ABCB11: variants seen among roughly 807,000 people sequenced by gnomAD.
ABCB11 encodes the protein bile salt export pump.
A neutral mutation model predicts 148.0 loss-of-function variants in ABCB11; 95 were observed. That is an observed-to-expected ratio of 0.64 (90% confidence interval 0.54 to 0.76). The LOEUF (loss-of-function observed/expected upper bound fraction) is 0.76. Ranked by LOEUF, ABCB11 falls within the 30% of genes least tolerant of loss-of-function variation. The pLI, the probability that ABCB11 is intolerant of heterozygous loss-of-function variation, is 0.00. For missense variants in ABCB11, 1,523 were observed against 1,617.8 expected, an observed-to-expected ratio of 0.94 and a Z score of 1.01; for synonymous variants, 591 against 555.4, an observed-to-expected ratio of 1.06 and a Z score of -0.90.
At chr2:169,017,937 C>T (rs746535156) in intron 2 of ABCB11, 113 bp downstream of exon 2, 4 of 866,252 alleles carry the variant, frequency 4.6e-6, no homozygotes, top group Middle Eastern at 2.2e-4. Context: ...CACAATGATA[C>T]TTCTACCTAC....
chr2:169,029,478 C>T lies in ABCB11; in HGVS notation c.-28+1747G>A, dbSNP rs184059946. ...CAGATAAGCTCACTGTCGGTTGATG[C>T]TGTGTGTCAACACTGTGGGTGACCC... is the stretch of plus-strand genomic sequence containing the variant. On this transcript the variant is annotated intron_variant, in intron 1 of 27. Coordinates refer to ENST00000650372, the MANE Select transcript of ABCB11 (RefSeq NM_003742.4). Among the ~76,000 whole-genome samples the T allele has an allele frequency of 2.0e-3, 304 of 152,158 alleles. 4 individuals are homozygous for T. The highest frequency in any genetic ancestry group is 2.9e-3 in the Non-Finnish European group (194 of 67,992).
chr2:168,987,355 C>A (rs911002320), intron 9 of ABCB11, among the ~76,000 whole-genome samples: 3 of 152,002 alleles, frequency 2.0e-5, no homozygotes, highest in African/African-American at 7.2e-5. Context: ...TTTTGGACAA[C>A]TGTATTATTT....
intron 21 of ABCB11, among the ~76,000 whole-genome samples, chr2:168,942,038 G>A (rs772616786): frequency 2.4e-4 from 36 of 151,828 alleles, no homozygotes; most frequent in Non-Finnish European, 4.4e-4. Flanking sequence ...TATATACCTA[G>A]AAAACCCAGT....
At position 168,936,341 on chromosome 2, in the gene ABCB11, G is replaced by A. The variant is rs1421685722; in HGVS notation, c.2703C>T (p.Ser901=). Residue 901 remains serine, a synonymous_variant, in exon 22 of 28, where the codon AGC becomes AGT. Coordinates refer to ENST00000650372, the MANE Select transcript of ABCB11 (RefSeq NM_003742.4). ...AGGGGAAGAAGCACAAGATGACCAG[G>A]CTCAGCTTCCAGCTAAAGGAGAAGG... ...IIAFSFSWKL[S]LVILCFFPFL... 1.2e-6 allele frequency: 2 copies of A among 1,613,792 alleles called. No homozygotes were observed. The highest frequency in any genetic ancestry group is 1.7e-6 in the Non-Finnish European group (2 of 1,179,888).
At chr2:168,965,080 T>C (rs551187612) in intron 17 of ABCB11, among the ~76,000 whole-genome samples, 1 of 151,796 alleles carries the variant, frequency 6.6e-6, no homozygotes, top group East Asian at 2.0e-4. Context: ...GTATGGAAAG[T>C]CAAAGGAAAA....
At chr2:168,975,244 A>C (rs368704675) in intron 12 of ABCB11, among the ~76,000 whole-genome samples, 4,189 of 33,014 alleles carry the variant, frequency 0.13, 711 homozygotes, top group East Asian at 0.26. Context: ...TAAATATTTA[A>C]ATATTTTTAT....
intron 1 of ABCB11, among the ~76,000 whole-genome samples, chr2:169,021,090 G>A (rs887118619): frequency 4.6e-5 from 7 of 151,846 alleles, no homozygotes; most frequent in African/African-American, 1.7e-4. Context: ...AGCCTCCTGA[G>A]TAGCTGGGAT....
chr2:168,990,791 A>G lies in ABCB11; in HGVS notation c.908+10T>C, dbSNP rs766985935. On this transcript the variant is annotated intron_variant, in intron 9 of 27. Transcript: ENST00000650372. ...AAATTAAGGAAAGAATCAGATTCCA[A>G]TTAACCAACCTTTCAACCTCTCTTT... 2.5e-6 allele frequency: 4 copies of G among 1,612,516 alleles called. No individual in the cohort carries two copies. The highest frequency in any genetic ancestry group is 2.2e-5 in the East Asian group (1 of 44,848).
chr2:168,970,011 T>G (rs1203315539), intron 15 of ABCB11, 34 bp downstream of exon 15: 23 of 1,344,156 alleles, frequency 1.7e-5, no homozygotes, highest in Non-Finnish European at 2.1e-5. Flanking sequence ...CATTTCCACA[T>G]GGACCTGTAA....
At chr2:168,943,614 G>T (rs557344591) in intron 21 of ABCB11, among the ~76,000 whole-genome samples, 2 of 152,102 alleles carry the variant, frequency 1.3e-5, no homozygotes, top group Admixed American at 6.6e-5. Context: ...CTAAGTCTAT[G>T]GGAAACACAT....
intron 18 of ABCB11, among the ~76,000 whole-genome samples, chr2:168,963,255 T>C (rs1292331240): frequency 6.6e-6 from 1 of 151,818 alleles, no homozygotes; most frequent in Non-Finnish European, 1.5e-5. Context: ...AATCTCCTGA[T>C]GCCTTACTAA....
Position 168,934,572 on chromosome 2 carries a change from G to A in ABCB11, c.3056+612C>T, listed in dbSNP as rs532253121. ...GGCCCATGCTGTCTCTGCCTAGGAG[G>A]AGTCAGTTGGGAGGAGTCAGCCCTC... On this transcript the variant is annotated intron_variant, in intron 23 of 27. Transcript: ENST00000650372. Among the ~76,000 whole-genome samples, 4 of 152,300 alleles carry A rather than the reference G, an allele frequency of 2.6e-5. No individual in the cohort carries two copies. The South Asian group carries it at 8.3e-4, about 32-fold the overall frequency.
At chr2:168,956,510 T>C (rs2105932428) in intron 19 of ABCB11, among the ~76,000 whole-genome samples, 1 of 151,786 alleles carries the variant, frequency 6.6e-6, no homozygotes, top group Middle Eastern at 3.4e-3. Flanking sequence ...GGCTTTGATT[T>C]TGGGTTCATG....
chr2:168,959,849 A>G (rs1167859895), intron 18 of ABCB11, among the ~76,000 whole-genome samples: 1 of 148,528 alleles, frequency 6.7e-6, no homozygotes, highest in Admixed American at 6.9e-5. Context: ...CAAATGCTGA[A>G]CACTGGCTAC....
At chr2:168,927,042 G>C (rs549872304) in intron 26 of ABCB11, 114 bp downstream of exon 26, 2 of 1,098,826 alleles carry the variant, frequency 1.8e-6, no homozygotes, top group East Asian at 2.4e-5. Flanking sequence ...TTGAATTTTG[G>C]AACATTTTGG....
chr2:168,915,873 A>G (rs1384452083), downstream of ABCB11, among the ~76,000 whole-genome samples: 2 of 152,190 alleles, frequency 1.3e-5, no homozygotes, highest in Non-Finnish European at 2.9e-5. Context: ...TCTGTAATAG[A>G]GGAAAGCAAA....
intron 1 of ABCB11, among the ~76,000 whole-genome samples, chr2:169,028,373 C>T (rs1408496404): frequency 6.6e-6 from 1 of 152,014 alleles, no homozygotes; most frequent in African/African-American, 2.4e-5. Flanking sequence ...TGCAGAGGAG[C>T]TGCCTTGTCT....
chr2:168,991,835 CTTTTT>C (rs72146229), intron 8 of ABCB11, among the ~76,000 whole-genome samples: 1 of 128,264 alleles, frequency 7.8e-6, no homozygotes, highest in African/African-American at 2.8e-5. Context: ...GAAAGTGAGG[CTTTTT>C]TTTTTTTTTT....
chr2:169,002,032 A>G (rs1372813067), intron 5 of ABCB11, among the ~76,000 whole-genome samples: 1 of 152,214 alleles, frequency 6.6e-6, no homozygotes, highest in Non-Finnish European at 1.5e-5. Context: ...GACACACTTT[A>G]GATCCAAAGA....
Sources: allele counts gnomAD v4.1 joint callset (sites outside exome capture counted in the v4.1 genomes callset), GRCh38; gene constraint gnomAD v4.1.1; transcripts MANE v1.5; gene names NCBI Gene and HGNC (gene_info 2026-07-23, HGNC 2026-07-21).